The following AGMO variants were observed in gnomAD, a reference collection of about 807,000 sequenced individuals.
AGMO encodes glyceryl-ether monooxygenase.
In AGMO, 75 loss-of-function variants were observed where a neutral mutation model predicts 60.2. The observed-to-expected ratio is 1.25, with a 90% confidence interval of 1.03 to 1.51. The LOEUF (loss-of-function observed/expected upper bound fraction) is 1.51, where lower values mean the gene tolerates loss of function less well. Ranked by LOEUF, AGMO falls within the 40% of genes most tolerant of loss-of-function variation. The pLI, the probability that AGMO is intolerant of heterozygous loss-of-function variation, is 0.00. For missense variants in AGMO, 763 were observed against 525.5 expected (o/e 1.45, Z -4.42); for synonymous variants, 261 against 177.1 (o/e 1.47, Z -3.76).
chr7:15,342,801 A>AAAAAAAAAAAAAAAC (rs778682811), intron 12 of AGMO, among the ~76,000 whole-genome samples: 5 of 107,942 alleles, frequency 4.6e-5, no homozygotes, highest in East Asian at 3.8e-4. Context: ...AAAAAAAAAA[A>AAAAAAAAAAAAAAAC]AAAATTGATC....
chr7:15,234,863 C>A (rs1038391707), intron 12 of AGMO, among the ~76,000 whole-genome samples: 2 of 152,088 alleles, frequency 1.3e-5, no homozygotes, highest in African/African-American at 4.8e-5. Flanking sequence ...GTGTTCTTGG[C>A]TTGTGTGCAG....
chr7:15,544,747 CA>C (rs2115280380), intron 3 of AGMO, 24 bp downstream of exon 3: 1 of 1,536,740 alleles, frequency 6.5e-7, no homozygotes, highest in Non-Finnish European at 8.8e-7. Flanking sequence ...CATAAGTTAA[CA>C]AAAAGTCCTC....
At chr7:15,299,805 G>C (rs1376011686) in intron 12 of AGMO, among the ~76,000 whole-genome samples, 2 of 150,374 alleles carry the variant, frequency 1.3e-5, no homozygotes, top group African/African-American at 4.9e-5. Context: ...TCCAGCCTGG[G>C]AGACAGAGCA....
chr7:15,298,412 T>A (rs1160454711), intron 12 of AGMO, among the ~76,000 whole-genome samples: 4 of 152,158 alleles, frequency 2.6e-5, no homozygotes, highest in Admixed American at 2.6e-4. Context: ...TGTTTGTTTT[T>A]GAGACAGGGT....
chr7:15,140,573 A>T, the AGMO span, among the ~76,000 whole-genome samples: 1 of 151,640 alleles, frequency 6.6e-6, no homozygotes, highest in African/African-American at 2.4e-5. Context: ...ACTTTTTTTA[A>T]TCTCCTTGCT....
chr7:15,271,187 T>A (rs1357658232), intron 12 of AGMO, among the ~76,000 whole-genome samples: 3 of 152,142 alleles, frequency 2.0e-5, no homozygotes, highest in Non-Finnish European at 4.4e-5. Flanking sequence ...TTAAAACTGA[T>A]ATTTCTTACT....
At chr7:15,160,530 G>A in the AGMO span, among the ~76,000 whole-genome samples, 5 of 151,048 alleles carry the variant, frequency 3.3e-5, no homozygotes, top group African/African-American at 1.2e-4. Flanking sequence ...TCATCTATTT[G>A]TCTATAAATC....
intron 10 of AGMO, among the ~76,000 whole-genome samples, chr7:15,369,786 G>A (rs969316946): frequency 6.6e-6 from 1 of 151,958 alleles, no homozygotes; most frequent in Non-Finnish European, 1.5e-5. Flanking sequence ...CTAGAATATA[G>A]AACTCAATAT....
In AGMO at chr7:15,511,401, C is replaced by G. The variant is rs1783670951; in HGVS notation, c.409+33371G>C. On this transcript the variant is annotated intron_variant, in intron 3 of 12. Coordinates refer to ENST00000342526, the MANE Select transcript of AGMO (RefSeq NM_001004320.2). ...ATTTTTTTTCTCATCAACATTATAACAAAATGACTTTGAACAAAACAACTT... is the reference window on the plus strand; with the variant it reads ...ATTTTTTTTCTCATCAACATTATAAGAAAATGACTTTGAACAAAACAACTT... Among the ~76,000 whole-genome samples the G allele has an allele frequency of 2.0e-5, 3 of 152,030 alleles. No individual in the cohort carries two copies. In the South Asian group the frequency reaches 6.2e-4, roughly 32 times the overall value.
intron 3 of AGMO, among the ~76,000 whole-genome samples, chr7:15,456,227 T>C (rs1219440401): frequency 1.3e-5 from 2 of 152,102 alleles, no homozygotes; most frequent in Non-Finnish European, 2.9e-5. Context: ...TTGTTAGATA[T>C]AACATCCTCC....
intron 3 of AGMO, among the ~76,000 whole-genome samples, chr7:15,534,358 G>T (rs1784435620): frequency 6.6e-6 from 1 of 151,914 alleles, no homozygotes; most frequent in African/African-American, 2.4e-5. Context: ...AACTTCAAGT[G>T]TTGAAAGAAA....
chr7:15,402,750 C>T (rs1784586410), intron 5 of AGMO, among the ~76,000 whole-genome samples: 1 of 150,034 alleles, frequency 6.7e-6, no homozygotes, highest in African/African-American at 2.5e-5. Flanking sequence ...GGTTTTCTAT[C>T]AACACTAGCA....
intron 3 of AGMO, among the ~76,000 whole-genome samples, chr7:15,523,292 G>A (rs566931064): frequency 1.3e-5 from 2 of 152,270 alleles, no homozygotes; most frequent in South Asian, 4.1e-4. Context: ...CATGGATCTA[G>A]AACTAGAAGT....
intron 12 of AGMO, among the ~76,000 whole-genome samples, chr7:15,219,517 G>T (rs1781850404): frequency 6.6e-6 from 1 of 152,034 alleles, no homozygotes; most frequent in South Asian, 2.1e-4. Flanking sequence ...AAGAAATTAA[G>T]AGACATTCTG....
At chr7:15,314,172 G>A (rs995077124) in intron 12 of AGMO, among the ~76,000 whole-genome samples, 1 of 151,942 alleles carries the variant, frequency 6.6e-6, no homozygotes, top group Admixed American at 6.6e-5. Flanking sequence ...ATTTACATCC[G>A]GGGTGAGACT....
intron 12 of AGMO, among the ~76,000 whole-genome samples, chr7:15,213,601 A>T (rs1027473877): frequency 6.6e-6 from 1 of 151,882 alleles, no homozygotes; most frequent in African/African-American, 2.4e-5. Flanking sequence ...AGCATCCTCC[A>T]CACATTTGAA....
chr7:15,412,034 A>G (rs912545109), intron 5 of AGMO, among the ~76,000 whole-genome samples: 12 of 151,048 alleles, frequency 7.9e-5, no homozygotes, highest in Non-Finnish European at 1.6e-4. Context: ...TCCTGCTACC[A>G]CTCTATTGCG....
downstream of AGMO, among the ~76,000 whole-genome samples, chr7:15,196,787 G>A (rs116734184): frequency 0.019 from 2,889 of 152,282 alleles, 85 homozygotes; most frequent in African/African-American, 0.065. Context: ...AATGAAGAAA[G>A]AACATGCCCA....
chr7:15,337,637 A>T (rs559945007), intron 12 of AGMO, among the ~76,000 whole-genome samples: 1 of 152,314 alleles, frequency 6.6e-6, no homozygotes, highest in East Asian at 1.9e-4. Context: ...GGCCAACTGC[A>T]ACCCACCTGC....
Sources: gnomAD v4.1 joint callset for allele counts (sites outside exome capture counted in the v4.1 genomes callset) on GRCh38, gnomAD v4.1.1 for gene constraint, MANE v1.5 for transcripts, NCBI Gene and HGNC (gene_info 2026-07-23, HGNC 2026-07-21) for gene names.